Variants in MIS12 observed in about 807,000 individuals in gnomAD.
MIS12 encodes the protein protein MIS12 homolog.
In MIS12, 13 loss-of-function variants were observed where a neutral mutation model predicts 16.5. The observed-to-expected ratio is 0.79, with a 90% CI of 0.51 to 1.25. The LOEUF is 1.25. Ranked by LOEUF, MIS12 falls within the 50% of genes most tolerant of loss-of-function variation. The pLI, the probability that MIS12 is intolerant of heterozygous loss-of-function variation, is 0.00. For synonymous variants in MIS12, 97 were observed against 87.3 expected, an observed-to-expected ratio of 1.11 and a Z score of -0.62; for missense variants, 199 against 239.5, an observed-to-expected ratio of 0.83 and a Z score of 1.12.
chr17:5,488,207 GGAGGACAAGCAAATT>G lies in MIS12; in HGVS notation c.-415_-401del, dbSNP rs1906515228. ...TGGGTTTTTTTCAGATGGCTTGGCT[GGAGGACAAGCAAATT>G]GAGGACATTGGCAACGGAGTGATCA... On this transcript the variant is annotated 5_prime_UTR_variant, in exon 2 of 3. Coordinates refer to ENST00000611091, the MANE Select transcript of MIS12 (RefSeq NM_001258217.2). 1 of 152,176 alleles carries G rather than the reference GGAGGACAAGCAAATT, an allele frequency of 6.6e-6. No individual in the cohort carries two copies. The highest frequency in any genetic ancestry group is 1.5e-5 in the Non-Finnish European group (1 of 68,052). The allele number at this position is 152,176 out of a possible 1,614,324, so 9.4% of individuals were successfully genotyped here.
Position 5,488,836 on chromosome 17 carries a change from G to A in MIS12, c.-27G>A, listed in dbSNP as rs1239289049. On this transcript the variant is annotated 5_prime_UTR_variant, in exon 3 of 3. Transcript: ENST00000611091. The stretch of plus-strand genomic sequence containing the variant: ...TTACATTTGCAGGTTTTTCACGACT[G>A]AAAACAACATAGCAAAATAAGCCAA... 6.3e-7 allele frequency: 1 copy of A among 1,578,956 alleles called. No individual in the cohort carries two copies. Among genetic ancestry groups the A allele is most frequent in the Admixed American group, 1.9e-5 (1 of 53,010 alleles).
In MIS12 at chr17:5,489,081, A is replaced by T. The variant is rs1287929970; in HGVS notation, c.219A>T (p.Gly73=). The T allele has an allele frequency of 1.1e-5, 17 of 1,614,108 alleles. No individual in the cohort carries two copies. Among genetic ancestry groups the T allele is most frequent in the Non-Finnish European group, 1.4e-5 (16 of 1,180,056 alleles). The part of the protein sequence containing the change: ...CTEKFLCFMK[G]HFDNLFSKME... ...AGAAGTTTCTTTGCTTCATGAAAGG[A>T]CATTTTGATAACCTTTTTAGCAAAA... Residue 73 remains glycine, a synonymous_variant, in exon 3 of 3, where the codon GGA becomes GGT. Coordinates refer to ENST00000611091, the MANE Select transcript of MIS12 (RefSeq NM_001258217.2).
In MIS12 at chr17:5,488,528, G is replaced by T. The variant is rs1033931545; in HGVS notation, c.-102G>T. On this transcript the variant is annotated 5_prime_UTR_variant, in exon 2 of 3. Coordinates refer to ENST00000611091, the MANE Select transcript of MIS12 (RefSeq NM_001258217.2). ...CTCTAGGGCATTGGTTAAGTCATCT[G>T]TCTAGACTTCAAAGTTGTCTAGGAT... The T allele has an allele frequency of 2.0e-5, 5 of 248,210 alleles. No individual in the cohort carries two copies. The highest frequency in any genetic ancestry group is 3.1e-5 in the Non-Finnish European group (4 of 127,142). The allele number at this position is 248,210 out of a possible 1,614,324, so 15.4% of individuals were successfully genotyped here.
intron 1 of MIS12, chr17:5,487,116 T>C (rs533774480): frequency 6.6e-6 from 1 of 152,384 alleles, no homozygotes; most frequent in East Asian, 1.9e-4. Flanking sequence ...TATTTTTTTG[T>C]TGTTGTTTGA....
rs1906351782 is a variant in MIS12, at chr17:5,486,702, G to C, written c.-435+18G>C. On this transcript the variant is annotated intron_variant, in intron 1 of 2. Coordinates refer to ENST00000611091, the MANE Select transcript of MIS12 (RefSeq NM_001258217.2). ...TCGCTCCGGTAAGTGCTGCGGGGCA[G>C]CATTTTCTCTGAGGAGGAGCGGGGA... The C allele has an allele frequency of 6.5e-6, 1 of 152,750 alleles. No homozygotes were observed. The highest frequency in any genetic ancestry group is 1.5e-5 in the Non-Finnish European group (1 of 68,198). The allele number at this position is 152,750 out of a possible 1,614,324, so 9.5% of individuals were successfully genotyped here. A position where few individuals can be genotyped will look rare whatever the true frequency, so the allele number is the denominator to read the frequency against.
intron 2 of MIS12, 22 bp from the exon 3 acceptor site, chr17:5,488,801 T>G: frequency 2.6e-6 from 4 of 1,534,030 alleles, no homozygotes; most frequent in Non-Finnish European, 3.5e-6. Flanking sequence ...CCAAATGAAT[T>G]ATTTCCTTTT....
chr17:5,488,950 G>C lies in MIS12; in HGVS notation c.88G>C (p.Asp30His), dbSNP rs931479762. ...CMLRIYIAFQ[D>H]YLFEVMQAVE... ...GCTTCGGATCTACATTGCATTTCAA[G>C]ACTACCTATTTGAAGTGATGCAGGC... Residue 30 changes from aspartate (D) to histidine (H), a missense_variant, in exon 3 of 3, where the codon GAC becomes CAC. By Grantham distance (81) the Asp-to-His change is moderately conservative. Transcript: ENST00000611091. 16 of 1,614,092 alleles carry C rather than the reference G, an allele frequency of 9.9e-6. No homozygotes were observed. The highest frequency in any genetic ancestry group is 1.3e-5 in the Non-Finnish European group (15 of 1,180,056).
rs957220541 is a variant in MIS12, at chr17:5,488,846, T to C, written c.-17T>C. 1 of 1,595,324 alleles carries C rather than the reference T, an allele frequency of 6.3e-7. No individual in the cohort carries two copies. The highest frequency in any genetic ancestry group is 8.5e-7 in the Non-Finnish European group (1 of 1,169,742). On this transcript the variant is annotated 5_prime_UTR_variant, in exon 3 of 3. Transcript: ENST00000611091. Reference sequence around the variant, plus strand: ...AGGTTTTTCACGACTGAAAACAACATAGCAAAATAAGCCAAGATGTCTGTG... The same window carrying C: ...AGGTTTTTCACGACTGAAAACAACACAGCAAAATAAGCCAAGATGTCTGTG...
rs1906563376 is a variant in MIS12, at chr17:5,488,858, C to T, written c.-5C>T. ...ACTGAAAACAACATAGCAAAATAAG[C>T]CAAGATGTCTGTGGATCCAATGACC... is the stretch of plus-strand genomic sequence containing the variant. On this transcript the variant is annotated 5_prime_UTR_variant, in exon 3 of 3. Transcript: ENST00000611091. The T allele has an allele frequency of 2.5e-6, 4 of 1,604,572 alleles. No homozygotes were observed. Among genetic ancestry groups the T allele is most frequent in the Non-Finnish European group, 3.4e-6 (4 of 1,173,638 alleles).
At position 5,490,531 on chromosome 17, in the gene MIS12, A is replaced by G. The variant is rs1047143149; in HGVS notation, c.*1051A>G. 1.2e-5 allele frequency: 2 copies of G among 167,076 alleles called. No homozygotes were observed. Among genetic ancestry groups the G allele is most frequent in the African/African-American group, 4.8e-5 (2 of 41,452 alleles). The allele number at this position is 167,076 out of a possible 1,614,324, so 10.3% of individuals were successfully genotyped here. A position where few individuals can be genotyped will look rare whatever the true frequency, so the allele number is the denominator to read the frequency against. ...CAGTGGGAAATTTGTGTTTAAACTC[A>G]ATGGAATCTAATATTTCTTTATGTC... On this transcript the variant is annotated 3_prime_UTR_variant, in exon 3 of 3. Coordinates refer to ENST00000611091, the MANE Select transcript of MIS12 (RefSeq NM_001258217.2).
intron 1 of MIS12, among the ~76,000 whole-genome samples, chr17:5,487,893 T>C (rs1212340354): frequency 6.6e-6 from 1 of 152,208 alleles, no homozygotes; most frequent in East Asian, 1.9e-4. Flanking sequence ...ACTGTACTGC[T>C]TATTGCAAAT....
Position 5,489,200 on chromosome 17 carries a change from A to AT in MIS12, c.342dup (p.Gln115SerfsTer8). On this transcript the variant is annotated frameshift_variant, in exon 3 of 3. Transcript: ENST00000611091. LOFTEE classifies it high-confidence loss of function. ...AAGGAGACACCTTATAGTGAGGAAG[A>AT]TTTTCAGCATCTCCAGAAAGAAATT... The AT allele has an allele frequency of 6.2e-7, 1 of 1,614,208 alleles. No individual in the cohort carries two copies.
At chr17:5,486,956 T>G (rs1310901004) in intron 1 of MIS12, 2 of 152,284 alleles carry the variant, frequency 1.3e-5, no homozygotes, top group African/African-American at 4.8e-5. Flanking sequence ...CACCTCTGCG[T>G]TGAATCGGCA....
rs1437641114 is a variant in MIS12, at chr17:5,489,223, A to G, written c.361A>G (p.Ile121Val). 21 of 1,614,114 alleles carry G rather than the reference A, an allele frequency of 1.3e-5. No individual in the cohort carries two copies. The Admixed American group carries it at 2.2e-4, about 17-fold the overall frequency. The change falls in exon 3 of 3, where the codon ATT (isoleucine) becomes GTT (valine). Residue 121 changes from isoleucine to valine, a missense_variant. By Grantham distance (29) the Ile-to-Val change is conservative (BLOSUM62 3). Transcript: ENST00000611091. Reference protein sequence around the residue: ...EEDFQHLQKEIEQLQEKYKTE... With the variant: ...EEDFQHLQKEVEQLQEKYKTE... ...AGATTTTCAGCATCTCCAGAAAGAA[A>G]TTGAACAGTTACAGGAGAAGTACAA...
Position 5,489,472 on chromosome 17 carries a change from A to G in MIS12, c.610A>G (p.Ile204Val). ...GGAAAAGGAATCGAAACGACTGAAAATATCTTAATTGCTCAGTAGTCAAAA... is the reference window on the plus strand; with the variant it reads ...GGAAAAGGAATCGAAACGACTGAAAGTATCTTAATTGCTCAGTAGTCAAAA... ...NVEKESKRLK[I>V]S Residue 204 changes from isoleucine (I) to valine (V), a missense_variant, in exon 3 of 3, where the codon ATA (isoleucine) becomes GTA (valine). By Grantham distance (29) the Ile-to-Val change is conservative. Coordinates refer to ENST00000611091, the MANE Select transcript of MIS12 (RefSeq NM_001258217.2). 1 of 1,583,984 alleles carries G rather than the reference A, an allele frequency of 6.3e-7. No individual in the cohort carries two copies. Among genetic ancestry groups the G allele is most frequent in the East Asian group, 2.2e-5 (1 of 44,758 alleles).
In MIS12 at chr17:5,490,243, C is replaced by G. The variant is rs1906691370; in HGVS notation, c.*763C>G. 6.0e-6 allele frequency: 1 copy of G among 166,948 alleles called. No individual in the cohort carries two copies. The highest frequency in any genetic ancestry group is 2.1e-4 in the South Asian group (1 of 4,824). 10.3% of individuals were successfully genotyped at this position (166,948 alleles called of 1,614,324 possible). A position where few individuals can be genotyped will look rare whatever the true frequency, so the allele number is the denominator to read the frequency against. On this transcript the variant is annotated 3_prime_UTR_variant, in exon 3 of 3. Transcript: ENST00000611091. ...TAATAAAAAAGAAGTTGGTTTATTT[C>G]CAAAATAAATCCCCTGACAAAAAAC... is the stretch of plus-strand genomic sequence containing the variant.
upstream of MIS12, chr17:5,486,376 C>G: frequency 2.0e-6 from 1 of 491,658 alleles, no homozygotes; most frequent in East Asian, 3.7e-5. Flanking sequence ...AGCGCCCCAT[C>G]TCCCCACCCT....
rs952136211 is a variant in MIS12, at chr17:5,486,582, G to A, written c.-537G>A. On this transcript the variant is annotated 5_prime_UTR_variant, in exon 1 of 3. Transcript: ENST00000611091. The stretch of plus-strand genomic sequence containing the variant: ...GAGGCGCGTATCAGTCGGAATTTTG[G>A]GGAGCCAACCGCGCCGTCTGTCCCT... 1 of 157,986 alleles carries A rather than the reference G, an allele frequency of 6.3e-6. No homozygotes were observed. The highest frequency in any genetic ancestry group is 1.4e-5 in the Non-Finnish European group (1 of 71,518). 9.8% of individuals were successfully genotyped at this position (157,986 alleles called of 1,614,324 possible).
In MIS12 at chr17:5,489,504, G is replaced by C; in HGVS notation, c.*24G>C. 6.4e-7 allele frequency: 1 copy of C among 1,552,844 alleles called. No homozygotes were observed. Among genetic ancestry groups the C allele is most frequent in the Non-Finnish European group, 8.6e-7 (1 of 1,156,926 alleles). On this transcript the variant is annotated 3_prime_UTR_variant, in exon 3 of 3. Transcript: ENST00000611091. ...AATTGCTCAGTAGTCAAAAGGAGGA[G>C]CCTGTCAAAAAGTAGAATCATAAGG...
Sources: allele counts gnomAD v4.1 joint callset (sites outside exome capture counted in the v4.1 genomes callset), GRCh38; gene constraint gnomAD v4.1.1; transcripts MANE v1.5; gene names NCBI Gene and HGNC (gene_info 2026-07-23, HGNC 2026-07-21).